The following RAI14 variants were observed in gnomAD, a reference collection of about 807,000 sequenced individuals.
The protein encoded by RAI14 is retinoic acid induced 14, also known as ankycorbin.
A neutral mutation model predicts 115.4 loss-of-function variants in RAI14; 45 were observed. That is an observed-to-expected ratio of 0.39 (90% CI 0.31 to 0.50). The LOEUF (loss-of-function observed/expected upper bound fraction) is 0.50. Among genes scored for constraint, RAI14 ranks in the 20% least tolerant of loss-of-function variants. The pLI, the probability that RAI14 is intolerant of heterozygous loss-of-function variation, is 0.85. For synonymous variants in RAI14, 371 were observed against 415.4 expected, an observed-to-expected ratio of 0.89 and a Z score of 1.30; for missense variants, 939 against 1,131.2, an observed-to-expected ratio of 0.83 and a Z score of 2.44.
At position 34,811,823 on chromosome 5, in the gene RAI14, T is replaced by C. The variant is rs749007756; in HGVS notation, c.614T>C (p.Ile205Thr). Residue 205 changes from isoleucine to threonine, a missense_variant, in exon 9 of 18, where the codon ATT becomes ACT. By Grantham distance (89) the Ile-to-Thr change is moderately conservative (BLOSUM62 -1). Coordinates refer to ENST00000265109, the MANE Select transcript of RAI14 (RefSeq NM_015577.3). ...AGCTCTAACGCTGTGGAAGCCTTAA[T>C]TAAAAAGGGTGCAGACCTAAACCTT... ...IGSSNAVEAL[I>T]KKGADLNLVD... The C allele has an allele frequency of 6.2e-6, 10 of 1,613,492 alleles. No homozygotes were observed. Among genetic ancestry groups the C allele is most frequent in the African/African-American group, 1.3e-5 (1 of 74,908 alleles).
At chr5:34,790,920 T>G (rs1412881657) in intron 3 of RAI14, among the ~76,000 whole-genome samples, 1 of 152,090 alleles carries the variant, frequency 6.6e-6, no homozygotes, top group Non-Finnish European at 1.5e-5. Flanking sequence ...TAGCATATAC[T>G]TCAATGAGTA....
chr5:34,724,792 G>C (rs1024320356), intron 2 of RAI14, among the ~76,000 whole-genome samples: 1 of 152,172 alleles, frequency 6.6e-6, no homozygotes, highest in Non-Finnish European at 1.5e-5. Context: ...ATTCTTGCTT[G>C]AAAGTAAATC....
At chr5:34,778,416 C>T (rs139566066) in intron 3 of RAI14, among the ~76,000 whole-genome samples, 8 of 152,184 alleles carry the variant, frequency 5.3e-5, no homozygotes, top group East Asian at 3.9e-4. Flanking sequence ...GTACCCTGGC[C>T]GGGCATGGTG....
intron 2 of RAI14, among the ~76,000 whole-genome samples, chr5:34,704,176 C>T (rs1303111627): frequency 6.6e-6 from 1 of 152,180 alleles, no homozygotes; most frequent in Admixed American, 6.5e-5. Context: ...ACCAGGAAAG[C>T]TTCTTAAACT....
At chr5:34,724,975 C>T (rs1274363208) in intron 2 of RAI14, among the ~76,000 whole-genome samples, 1 of 151,748 alleles carries the variant, frequency 6.6e-6, no homozygotes, top group Non-Finnish European at 1.5e-5. Context: ...TTGTGCACTC[C>T]CATGAAAAAG....
In RAI14 at chr5:34,803,583, A is replaced by C. The variant is rs566683280; in HGVS notation, c.257-129A>C. 575 of 803,450 alleles carry C rather than the reference A, an allele frequency of 7.2e-4. 8 individuals are homozygous for C. In the Admixed American group the frequency reaches 0.015, roughly 21 times the overall value. 49.8% of individuals were successfully genotyped at this position (803,450 alleles called of 1,614,324 possible). A position where few individuals can be genotyped will look rare whatever the true frequency, so the allele number is the denominator to read the frequency against. On this transcript the variant is annotated intron_variant, in intron 4 of 17. Transcript: ENST00000265109. ...AAAAACAAAAAAACAAACAAACAAA[A>C]AAACACAGTTCCGTCTTTTTTGGAT...
chr5:34,770,530 A>G (rs185163740), intron 3 of RAI14, among the ~76,000 whole-genome samples: 162 of 152,356 alleles, frequency 1.1e-3, no homozygotes, highest in African/African-American at 3.6e-3. Context: ...TCAAGAAAAT[A>G]AAGAAGACAT....
intron 1 of RAI14, among the ~76,000 whole-genome samples, chr5:34,665,782 A>G (rs947794664): frequency 2.0e-5 from 3 of 152,110 alleles, no homozygotes; most frequent in African/African-American, 4.8e-5. Context: ...TTGAGAATAC[A>G]ATTACAAGGG....
chr5:34,808,853 A>C (rs1344107571), intron 7 of RAI14, among the ~76,000 whole-genome samples, 199 bp downstream of exon 7: 1 of 152,190 alleles, frequency 6.6e-6, no homozygotes, highest in Non-Finnish European at 1.5e-5. Context: ...TCAGGTCATC[A>C]GGCATTGGAG....
rs1757112652 is a variant in RAI14, at chr5:34,823,364, C to T, written c.1522C>T (p.Leu508Phe). The part of the protein sequence containing the change: ...EVLSVQKQMK[L>F]GLVSPESMDN... ...CCTTAGTGTGCAGAAGCAGATGAAA[C>T]TCGGTCTTGTCTCACCTGAAAGCAT... Residue 508 changes from leucine to phenylalanine, a missense_variant, in exon 15 of 18, where the codon CTC becomes TTC. Transcript: ENST00000265109. The surrounding 1 kb of genome is among the most constrained non-coding windows in gnomAD (Gnocchi z 4.5). 6.2e-7 allele frequency: 1 copy of T among 1,613,904 alleles called. No homozygotes were observed.
At chr5:34,656,567 G>C (rs1742274707) in intron 1 of RAI14, 92 bp downstream of exon 1, 1 of 152,422 alleles carries the variant, frequency 6.6e-6, no homozygotes, top group African/African-American at 2.4e-5. Context: ...CGCGGGAGGC[G>C]CTGGGGACGG....
chr5:34,721,280 G>C (rs1207186218), intron 2 of RAI14, among the ~76,000 whole-genome samples: 1 of 105,328 alleles, frequency 9.5e-6, no homozygotes, highest in Non-Finnish European at 1.9e-5. Flanking sequence ...TATGTATGTA[G>C]ATGTAGATGT....
intron 13 of RAI14, among the ~76,000 whole-genome samples, chr5:34,820,029 A>G (rs1756660482): frequency 6.6e-6 from 1 of 152,204 alleles, no homozygotes; most frequent in Non-Finnish European, 1.5e-5. Context: ...TTAGAATTGC[A>G]TTTAGGCTCC....
chr5:34,811,583 A>T (rs561257912), intron 8 of RAI14, among the ~76,000 whole-genome samples, 184 bp from the exon 9 acceptor site: 1,771 of 43,522 alleles, frequency 0.041, 29 homozygotes, highest in African/African-American at 0.11. Flanking sequence ...TCTGAAGTTT[A>T]AAAAAAAAAA....
At chr5:34,799,000 G>A (rs1032091639) in intron 4 of RAI14, among the ~76,000 whole-genome samples, 2 of 152,180 alleles carry the variant, frequency 1.3e-5, no homozygotes, top group African/African-American at 4.8e-5. Flanking sequence ...TTGGCCTGAA[G>A]GAGGTACCAG....
intron 4 of RAI14, among the ~76,000 whole-genome samples, chr5:34,799,673 G>A (rs187203052): frequency 8.4e-4 from 121 of 143,352 alleles, no homozygotes; most frequent in Middle Eastern, 3.6e-3. Context: ...ATAGAAGCAA[G>A]AATCTGTTAG....
chr5:34,787,118 A>G (rs1229143311), intron 3 of RAI14, among the ~76,000 whole-genome samples: 2 of 152,232 alleles, frequency 1.3e-5, no homozygotes, highest in Non-Finnish European at 2.9e-5. Flanking sequence ...GTAAAACCAC[A>G]GCCTTCAGCA....
At chr5:34,812,788 T>G (rs938204866) in intron 10 of RAI14, among the ~76,000 whole-genome samples, 3 of 152,246 alleles carry the variant, frequency 2.0e-5, no homozygotes, top group Admixed American at 1.3e-4. Flanking sequence ...TTCCTATTGG[T>G]GTGAAAATGT....
At chr5:34,762,928 CATGTGTGTGTGTGTGTGTGTGT>C (rs1354674533) in intron 3 of RAI14, among the ~76,000 whole-genome samples, 38 of 98,906 alleles carry the variant, frequency 3.8e-4, no homozygotes, top group Admixed American at 7.2e-4. Context: ...GGAGTGTGTG[CATGTGTGTGTGTGTGTGTGTGT>C]GTGTGTGTGT....
Sources: gnomAD v4.1 joint callset for allele counts (sites outside exome capture counted in the v4.1 genomes callset) on GRCh38, gnomAD v4.1.1 for gene constraint, Gnocchi (gnomAD v3.1) non-coding constraint, MANE v1.5 for transcripts, NCBI Gene and HGNC (gene_info 2026-07-23, HGNC 2026-07-21) for gene names.